Variants in TENM1 observed in about 807,000 individuals in gnomAD.
TENM1 encodes teneurin-1.
In TENM1, 35 loss-of-function variants were observed where a neutral mutation model predicts 174.8. The ratio of observed to expected loss-of-function variants is 0.20; its 90% confidence interval spans 0.15 to 0.27. The LOEUF (loss-of-function observed/expected upper bound fraction) is 0.27, where lower values mean the gene tolerates loss of function less well. TENM1 is among the 10% of genes least tolerant of loss of function. The pLI is 1.00. For synonymous variants in TENM1, 781 were observed against 798.7 expected (o/e 0.98, Z 0.37); for missense variants, 1,633 against 2,130.1 (o/e 0.77, Z 4.59).
chrX:124,887,706 C>T lies in TENM1; in HGVS notation c.535+6590G>A, dbSNP rs759824294. Among the ~76,000 whole-genome samples the T allele has an allele frequency of 4.1e-4, 46 of 111,358 alleles. No individual in the cohort carries two copies. The South Asian group carries it at 0.017, about 41-fold the overall frequency. ...CCCACACATAAAGTAATCCCAATCA[C>T]TTCCACACTTCCTCTGATAGTGTAA... On this transcript the variant is annotated intron_variant, in intron 3 of 31. Transcript: ENST00000422452.
At chrX:124,963,870 G>A (rs1302245527), upstream of TENM1, 1 of 589,322 alleles carries the variant, frequency 1.7e-6, no homozygotes, top group African/African-American at 2.3e-5. Flanking sequence ...TTTTTGTGAG[G>A]AAATGCATCT....
intron 3 of TENM1, among the ~76,000 whole-genome samples, chrX:124,772,139 C>T (rs1174871711): frequency 9.5e-6 from 1 of 105,690 alleles, no homozygotes; most frequent in Non-Finnish European, 2.0e-5. Flanking sequence ...TATATTCTTT[C>T]TTTTTTTTTT....
At chrX:124,618,241 C>T (rs969605953) in intron 11 of TENM1, among the ~76,000 whole-genome samples, 3 of 111,430 alleles carry the variant, frequency 2.7e-5, no homozygotes, top group Non-Finnish European at 5.7e-5. Flanking sequence ...GATTATCATA[C>T]TCCAAATTAT....
chrX:124,554,380 G>T (rs2048649432), intron 14 of TENM1, among the ~76,000 whole-genome samples: 1 of 111,395 alleles, frequency 9.0e-6, no homozygotes, highest in Admixed American at 9.5e-5. Context: ...ATAATGTGAT[G>T]GGCCCAGTCA....
chrX:124,795,822 G>A (rs921552092), intron 3 of TENM1, among the ~76,000 whole-genome samples: 2 of 110,829 alleles, frequency 1.8e-5, no homozygotes, highest in African/African-American at 3.3e-5. Context: ...TGAAAGGCAT[G>A]AGACAGCTCT....
At chrX:124,598,819 G>T (rs1405566034) in intron 11 of TENM1, among the ~76,000 whole-genome samples, 1 of 110,975 alleles carries the variant, frequency 9.0e-6, no homozygotes, top group Non-Finnish European at 1.9e-5. Flanking sequence ...TAGAAAGAAT[G>T]AATAAGACCT....
intron 8 of TENM1, among the ~76,000 whole-genome samples, chrX:124,649,091 GAA>G (rs200075952): frequency 1.8e-5 from 2 of 109,666 alleles, no homozygotes; most frequent in Non-Finnish European, 3.8e-5. Flanking sequence ...AACTAGCCAT[GAA>G]AAAAAAATGT....
At chrX:124,814,571 C>T (rs1389432217) in intron 3 of TENM1, among the ~76,000 whole-genome samples, 1 of 110,923 alleles carries the variant, frequency 9.0e-6, no homozygotes, top group Non-Finnish European at 1.9e-5. Context: ...TCCCTTGTCC[C>T]TCCACCCTAG....
intron 11 of TENM1, among the ~76,000 whole-genome samples, chrX:124,581,445 A>G (rs961468384): frequency 0.014 from 1 of 74 alleles, no homozygotes; most frequent in African/African-American, 0.027. Flanking sequence ...CTCCATTGAT[A>G]GGCATCTAAG....
rs755086667 is a variant in TENM1 at position 124,464,854 on chromosome X, C to T, written c.3950-11363G>A. On this transcript the variant is annotated intron_variant, in intron 22 of 31. Coordinates refer to ENST00000422452, the Ensembl canonical transcript of TENM1. The stretch of plus-strand genomic sequence containing the variant: ...GTGACAATCTGTGGGCACAAGAACG[C>T]GACATTGAGAGGCATTTAAAATGCT... Among the ~76,000 whole-genome samples the T allele has an allele frequency of 2.9e-3, 327 of 111,839 alleles. 2 individuals are homozygous for T. The highest frequency in any genetic ancestry group is 9.6e-3 in the African/African-American group (294 of 30,766).
In TENM1 at chrX:124,392,163, C is replaced by T. The variant is rs774631739; in HGVS notation, c.5577G>A (p.Thr1859=). The T allele has an allele frequency of 1.6e-5, 19 of 1,209,378 alleles. No individual in the cohort carries two copies. The African/African-American group carries it at 2.5e-4, about 16-fold the overall frequency. Residue 1859 remains threonine, a synonymous_variant, in exon 28 of 32, where the codon ACG becomes ACA. Transcript: ENST00000422452. ...CATTCCACGTTCCTCTTTGAATAAA[C>T]GTCACCAATCCCGAAGGTGAATATG... is the stretch of plus-strand genomic sequence containing the variant.
At chrX:125,155,027 C>T in the TENM1 span, among the ~76,000 whole-genome samples, 1 of 111,672 alleles carries the variant, frequency 9.0e-6, no homozygotes, top group East Asian at 2.8e-4. Context: ...ACTGCTGGCT[C>T]GGGCAGCCTG....
chrX:124,882,132 G>A (rs2057314507), intron 3 of TENM1, among the ~76,000 whole-genome samples: 1 of 112,428 alleles, frequency 8.9e-6, no homozygotes, highest in South Asian at 3.6e-4. Context: ...TCATTAAGGA[G>A]GATATTTAAT....
At position 124,961,603 on chromosome X, in the gene TENM1, C is replaced by T. The variant is rs966461072; in HGVS notation, c.217+1934G>A. On this transcript the variant is annotated intron_variant, in intron 1 of 31. Transcript: ENST00000422452. ...AGGTTGCAGTGAGCCAAGATCATGC[C>T]ACTGCATTCCAGCCTGGGCAACAGA... Among the ~76,000 whole-genome samples the T allele has an allele frequency of 2.7e-5, 3 of 111,012 alleles. No individual in the cohort carries two copies. In the East Asian group the frequency reaches 8.5e-4, roughly 32 times the overall value.
At chrX:124,632,053 T>C (rs1368359712) in intron 11 of TENM1, among the ~76,000 whole-genome samples, 2 of 106,034 alleles carry the variant, frequency 1.9e-5, no homozygotes, top group Admixed American at 1.0e-4. Context: ...GCTGGGATTA[T>C]AGGAGCATGC....
chrX:125,140,092 A>C, the TENM1 span, among the ~76,000 whole-genome samples: 1 of 111,718 alleles, frequency 9.0e-6, no homozygotes, highest in African/African-American at 3.3e-5. Context: ...AGCACATCTT[A>C]TTTATAGAAA....
At chrX:124,999,464 G>A in the TENM1 span, among the ~76,000 whole-genome samples, 4 of 111,020 alleles carry the variant, frequency 3.6e-5, no homozygotes, top group Non-Finnish European at 7.6e-5. Context: ...GGAATCTGAC[G>A]TGATTAACTA....
chrX:124,685,137 AAACAACAACAACAAC>A (rs3060647), intron 5 of TENM1, among the ~76,000 whole-genome samples: 4 of 106,074 alleles, frequency 3.8e-5, no homozygotes, highest in Non-Finnish European at 7.7e-5. Flanking sequence ...AGCAAAAAAC[AAACAACAACAACAAC>A]AACAACAACA....
chrX:125,013,399 T>C, the TENM1 span, among the ~76,000 whole-genome samples: 1 of 111,913 alleles, frequency 8.9e-6, no homozygotes, highest in Non-Finnish European at 1.9e-5. Flanking sequence ...ATAAATATCT[T>C]AGTATTTAAT....
Sources: allele counts gnomAD v4.1 joint callset (sites outside exome capture counted in the v4.1 genomes callset), GRCh38; gene constraint gnomAD v4.1.1; transcripts MANE v1.5; gene names NCBI Gene and HGNC (gene_info 2026-07-23, HGNC 2026-07-21).